The following SCN8A variants were observed in gnomAD, a reference collection of about 807,000 sequenced individuals.
The protein encoded by SCN8A is sodium channel protein type 8 subunit alpha.
A neutral mutation model predicts 184.1 loss-of-function variants in SCN8A; 30 were observed. The ratio of observed to expected loss-of-function variants is 0.16; its 90% confidence interval spans 0.12 to 0.22. The LOEUF (loss-of-function observed/expected upper bound fraction) is 0.22. Ranked by LOEUF, SCN8A falls within the 10% of genes least tolerant of loss-of-function variation. The pLI is 1.00. For synonymous variants in SCN8A, 852 were observed against 907.0 expected (o/e 0.94, Z 1.09); for missense variants, 1,057 against 2,498.9 (o/e 0.42, Z 12.30).
intron 1 of SCN8A, among the ~76,000 whole-genome samples, chr12:51,631,258 G>A (rs1940190640): frequency 6.6e-6 from 1 of 152,166 alleles, no homozygotes; most frequent in Non-Finnish European, 1.5e-5. Flanking sequence ...CTTCCTCCCT[G>A]CTGGGAGCAG....
At chr12:51,691,988 T>A (rs1941517613) in intron 6 of SCN8A, among the ~76,000 whole-genome samples, 1 of 152,178 alleles carries the variant, frequency 6.6e-6, no homozygotes, top group Non-Finnish European at 1.5e-5. Flanking sequence ...GGCCATCTCT[T>A]GCTTGGAAGT....
intron 1 of SCN8A, among the ~76,000 whole-genome samples, chr12:51,592,576 A>G (rs955452165): frequency 2.6e-5 from 4 of 151,826 alleles, no homozygotes; most frequent in African/African-American, 9.7e-5. Flanking sequence ...GGGGGAGGGT[A>G]GAAGAAACTT....
At chr12:51,592,965 T>A (rs992408233) in intron 1 of SCN8A, among the ~76,000 whole-genome samples, 15 of 151,996 alleles carry the variant, frequency 9.9e-5, no homozygotes, top group African/African-American at 9.6e-5. Flanking sequence ...CAAAAAAAAT[T>A]TTTTTTTTGA....
At chr12:51,712,642 G>A (rs187857830) in intron 11 of SCN8A, 25 of 791,190 alleles carry the variant, frequency 3.2e-5, no homozygotes, top group East Asian at 9.7e-5. Flanking sequence ...AGTTACCACC[G>A]CCAAAATTTC....
At position 51,807,668 on chromosome 12, in the gene SCN8A, A is replaced by G. The variant is rs2059740222; in HGVS notation, c.*239A>G. ...TAATGCTTGGGCAGGTGGTTACTGCATGTTCCACATCAGTCAATGCAACTT... is the reference window on the plus strand; with the variant it reads ...TAATGCTTGGGCAGGTGGTTACTGCGTGTTCCACATCAGTCAATGCAACTT... On this transcript the variant is annotated 3_prime_UTR_variant, in exon 27 of 27. Coordinates refer to ENST00000627620, the MANE Select transcript of SCN8A (RefSeq NM_001330260.2). The surrounding 1 kb of genome is among the most constrained non-coding windows in gnomAD (Gnocchi z 4.5). 2 of 565,552 alleles carry G rather than the reference A, an allele frequency of 3.5e-6. No homozygotes were observed. Among genetic ancestry groups the G allele is most frequent in the East Asian group, 3.0e-5 (1 of 33,150 alleles). The allele number at this position is 565,552 out of a possible 1,614,324, so 35.0% of individuals were successfully genotyped here.
At chr12:51,697,556 A>G (rs1015649171) in intron 6 of SCN8A, among the ~76,000 whole-genome samples, 1 of 152,162 alleles carries the variant, frequency 6.6e-6, no homozygotes, top group Non-Finnish European at 1.5e-5. Context: ...TTAGATCACC[A>G]TTATATGAGG....
At chr12:51,677,970 G>A (rs1421630091) in intron 2 of SCN8A, among the ~76,000 whole-genome samples, 2 of 152,200 alleles carry the variant, frequency 1.3e-5, no homozygotes, top group African/African-American at 4.8e-5. Flanking sequence ...TGTTTAAGAA[G>A]TATTGTAAAA....
chr12:51,676,812 A>G (rs1424892890), intron 2 of SCN8A, among the ~76,000 whole-genome samples: 1 of 152,170 alleles, frequency 6.6e-6, no homozygotes, highest in Non-Finnish European at 1.5e-5. Context: ...GGTGTTCATT[A>G]TAGCCAGAAG....
chr12:51,600,722 A>G (rs1253657038), intron 1 of SCN8A, among the ~76,000 whole-genome samples: 2 of 152,234 alleles, frequency 1.3e-5, no homozygotes, highest in Non-Finnish European at 1.5e-5. Flanking sequence ...GAGAAAAAAT[A>G]AAGGGTTACT....
intron 2 of SCN8A, among the ~76,000 whole-genome samples, chr12:51,671,943 A>G (rs1259391485): frequency 2.0e-5 from 3 of 152,214 alleles, no homozygotes; most frequent in African/African-American, 7.2e-5. Flanking sequence ...GGAATAAAAG[A>G]TTCTGCTGAT....
intron 1 of SCN8A, among the ~76,000 whole-genome samples, chr12:51,654,604 G>A (rs1159870740): frequency 6.6e-6 from 1 of 151,402 alleles, no homozygotes; most frequent in African/African-American, 2.4e-5. Flanking sequence ...TTTGCAGTAA[G>A]TTTTGATATC....
At chr12:51,618,739 GGT>G (rs1304858809) in intron 1 of SCN8A, among the ~76,000 whole-genome samples, 3 of 152,080 alleles carry the variant, frequency 2.0e-5, no homozygotes, top group Non-Finnish European at 2.9e-5. Context: ...AAGGCTGGCA[GGT>G]GTGAGAAAGG....
rs968459342 is a variant in SCN8A at position 51,810,425 on chromosome 12, C to T, written c.*2996C>T. 2.0e-5 allele frequency: 9 copies of T among 453,004 alleles called. No homozygotes were observed. The highest frequency in any genetic ancestry group is 9.6e-5 in the Admixed American group (4 of 41,776). 28.1% of individuals were successfully genotyped at this position (453,004 alleles called of 1,614,324 possible). A position where few individuals can be genotyped will look rare whatever the true frequency, so the allele number is the denominator to read the frequency against. On this transcript the variant is annotated 3_prime_UTR_variant, in exon 27 of 27. Coordinates refer to ENST00000627620, the MANE Select transcript of SCN8A (RefSeq NM_001330260.2). ...ATCGAACTGAAAGAATCAGTGATGA[C>T]GTTTTTGTGCATCTTCGCTGAGTGG...
intron 16 of SCN8A, 61 bp from the exon 17 acceptor site, chr12:51,768,804 C>T: frequency 7.1e-7 from 1 of 1,416,926 alleles, no homozygotes; most frequent in Non-Finnish European, 9.4e-7. Flanking sequence ...CAGTTTGCAA[C>T]CCTGAGTTCG....
Position 51,806,713 on chromosome 12 carries a change from ATCT to A in SCN8A, c.5235_5237del (p.Phe1746del), listed in dbSNP as rs1565934130. 1 of 1,614,084 alleles carries A rather than the reference ATCT, an allele frequency of 6.2e-7. No homozygotes were observed. The highest frequency in any genetic ancestry group is 1.3e-5 in the African/African-American group (1 of 75,018). Reference sequence around the variant, plus strand: ...AGATTGTGGGAACCCCTCAGTGGGCATCTTCTTCTTTGTAAGCTACATCATCAT... The same window carrying A: ...AGATTGTGGGAACCCCTCAGTGGGCATCTTCTTTGTAAGCTACATCATCAT... On this transcript the variant is annotated inframe_deletion, in exon 27 of 27. Transcript: ENST00000627620. This position sits in a 1 kb window ranked among gnomAD's most constrained non-coding sequence, Gnocchi z 8.7.
At chr12:51,685,007 T>G (rs1333408765) in intron 3 of SCN8A, among the ~76,000 whole-genome samples, 1 of 152,182 alleles carries the variant, frequency 6.6e-6, no homozygotes, top group African/African-American at 2.4e-5. Context: ...GTCCCATGCT[T>G]CGAAGATTAC....
intron 2 of SCN8A, among the ~76,000 whole-genome samples, chr12:51,666,017 GTGCTAC>G (rs1166516692): frequency 2.0e-5 from 3 of 152,120 alleles, no homozygotes; most frequent in African/African-American, 7.2e-5. Flanking sequence ...AGCCAAGATT[GTGCTAC>G]TGCACTCCAG....
chr12:51,790,514 G>GT lies in SCN8A; in HGVS notation c.4524+13dup. ...TTCCCCGCCCCTTGGTAAGTGCATT[G>GT]TGCAGGCTGAGGCCTTGGTGAGAAC... is the stretch of plus-strand genomic sequence containing the variant. On this transcript the variant is annotated intron_variant, in intron 25 of 26. Coordinates refer to ENST00000627620, the MANE Select transcript of SCN8A (RefSeq NM_001330260.2). The GT allele has an allele frequency of 6.3e-7, 1 of 1,575,410 alleles. No individual in the cohort carries two copies. Among genetic ancestry groups the GT allele is most frequent in the Non-Finnish European group, 8.7e-7 (1 of 1,148,672 alleles).
At chr12:51,787,900 T>C (rs10506304) in intron 22 of SCN8A, among the ~76,000 whole-genome samples, 7,864 of 152,262 alleles carry the variant, frequency 0.052, 345 homozygotes, top group South Asian at 0.11. Context: ...TGAATCCGCA[T>C]TGGAGCATCT....
Sources: allele counts gnomAD v4.1 joint callset (sites outside exome capture counted in the v4.1 genomes callset), GRCh38; gene constraint gnomAD v4.1.1; non-coding constraint Gnocchi (gnomAD v3.1); transcripts MANE v1.5; gene names NCBI Gene and HGNC (gene_info 2026-07-23, HGNC 2026-07-21).